Variants in TUBGCP4 observed in about 807,000 individuals in gnomAD.
The protein encoded by TUBGCP4 is gamma-tubulin complex component 4.
TUBGCP4 carries 54 observed loss-of-function variants against 91.6 expected under a neutral mutation model. The ratio of observed to expected loss-of-function variants is 0.59; its 90% confidence interval spans 0.47 to 0.74. The LOEUF (loss-of-function observed/expected upper bound fraction) is 0.74. Ranked by LOEUF, TUBGCP4 falls within the 30% of genes least tolerant of loss-of-function variation. TUBGCP4 has a pLI of 0.00. For synonymous variants in TUBGCP4, 297 were observed against 302.8 expected, an observed-to-expected ratio of 0.98 and a Z score of 0.20; for missense variants, 593 against 800.9, an observed-to-expected ratio of 0.74 and a Z score of 3.13.
chr15:43,390,928 A>G lies in TUBGCP4; in HGVS notation c.1015-4179A>G, dbSNP rs1396050431. 2.0e-5 allele frequency among the ~76,000 whole-genome samples: 3 copies of G among 151,154 alleles called. No individual in the cohort carries two copies. The East Asian group carries it at 5.8e-4, about 29-fold the overall frequency. The stretch of plus-strand genomic sequence containing the variant: ...ATCTCCAGGCTCAATCAATTTTCCC[A>G]TCTCAGCCTCCCAAGTAGCTGGGAC... On this transcript the variant is annotated intron_variant, in intron 9 of 17. Coordinates refer to ENST00000564079, the MANE Select transcript of TUBGCP4 (RefSeq NM_014444.5).
intron 11 of TUBGCP4, among the ~76,000 whole-genome samples, chr15:43,396,613 A>T (rs1031496786): frequency 6.6e-6 from 1 of 152,214 alleles, no homozygotes; most frequent in Non-Finnish European, 1.5e-5. Context: ...AAAGGAAAGA[A>T]ATAATGTATT....
chr15:43,401,041 C>T (rs2044668261), intron 14 of TUBGCP4, among the ~76,000 whole-genome samples: 1 of 152,076 alleles, frequency 6.6e-6, no homozygotes. Flanking sequence ...TCCTCATCAA[C>T]AATCTATTAT....
chr15:43,391,799 C>T (rs2044472155), intron 9 of TUBGCP4: 1 of 152,078 alleles, frequency 6.6e-6, no homozygotes, highest in African/African-American at 2.4e-5. Context: ...GCCTGTAATT[C>T]CAGCACTTTG....
chr15:43,380,924 A>G (rs1595480918), intron 6 of TUBGCP4, among the ~76,000 whole-genome samples: 1 of 152,150 alleles, frequency 6.6e-6, no homozygotes, highest in Non-Finnish European at 1.5e-5. Context: ...ATTATAATAG[A>G]TGATCCCTGA....
At position 43,400,128 on chromosome 15, in the gene TUBGCP4, C is replaced by T; in HGVS notation, c.1503C>T (p.Arg501=). 1 of 1,614,210 alleles carries T rather than the reference C, an allele frequency of 6.2e-7. No homozygotes were observed. The highest frequency in any genetic ancestry group is 1.6e-4 in the Middle Eastern group (1 of 6,062). The change falls in exon 14 of 18, where the codon CGC becomes CGT. Residue 501 remains arginine, a synonymous_variant. Transcript: ENST00000564079. Reference sequence around the variant, plus strand: ...ACTGCTGGGCCCTACAAATGCAGCGCAAGCACCTCAAGTCGAACCAGACTG... The same window carrying T: ...ACTGCTGGGCCCTACAAATGCAGCGTAAGCACCTCAAGTCGAACCAGACTG... ...LQHCWALQMQ[R]KHLKSNQTDA...
intron 9 of TUBGCP4, 160 bp from the exon 10 acceptor site, chr15:43,394,947 G>A (rs1407628836): frequency 1.4e-6 from 1 of 733,060 alleles, no homozygotes; most frequent in Non-Finnish European, 2.4e-6. Context: ...TTACAGCAGT[G>A]TGAGAATGGA....
At position 43,407,381 on chromosome 15, in the gene TUBGCP4, CTT is replaced by C; in HGVS notation, c.*2169_*2170del. ...GAATAAAACCAGTAAGACCAAGTAT[CTT>C]TAGTGAGAAACATAATCGTGTTTAT... On this transcript the variant is annotated 3_prime_UTR_variant, in exon 18 of 18. Coordinates refer to ENST00000564079, the MANE Select transcript of TUBGCP4 (RefSeq NM_014444.5). 6.2e-7 allele frequency: 1 copy of C among 1,613,906 alleles called. No homozygotes were observed. Among genetic ancestry groups the C allele is most frequent in the Non-Finnish European group, 8.5e-7 (1 of 1,179,804 alleles).
At position 43,393,614 on chromosome 15, in the gene TUBGCP4, A is replaced by G. The variant is rs758737452; in HGVS notation, c.1015-1493A>G. Reference sequence around the variant, plus strand: ...CTCCCCGGTCCCCCCACCCTACAACAGTCCCCGGTGTGTGATGTTCCCCTT... The same window carrying G: ...CTCCCCGGTCCCCCCACCCTACAACGGTCCCCGGTGTGTGATGTTCCCCTT... On this transcript the variant is annotated intron_variant, in intron 9 of 17. Coordinates refer to ENST00000564079, the MANE Select transcript of TUBGCP4 (RefSeq NM_014444.5). 5.9e-5 allele frequency among the ~76,000 whole-genome samples: 9 copies of G among 151,904 alleles called. No homozygotes were observed. In the South Asian group the frequency reaches 1.7e-3, roughly 28 times the overall value.
In TUBGCP4 at chr15:43,401,762, A is replaced by C; in HGVS notation, c.1643A>C (p.Asn548Thr). 1 of 1,614,166 alleles carries C rather than the reference A, an allele frequency of 6.2e-7. No individual in the cohort carries two copies. Among genetic ancestry groups the C allele is most frequent in the Non-Finnish European group, 8.5e-7 (1 of 1,180,010 alleles). ...TTCTCCCAGCTGCTTCATCAGATCA[A>C]TTCTACCCGAGACTTTGAAAGCATC... ...SQFSQLLHQI[N>T]STRDFESIRL... Residue 548 changes from asparagine (N) to threonine (T), a missense_variant, in exon 15 of 18, where the codon AAT (asparagine) becomes ACT (threonine). Transcript: ENST00000564079.
Position 43,397,290 on chromosome 15 carries a change from G to A in TUBGCP4, c.1248G>A (p.Leu416=). The A allele has an allele frequency of 6.2e-7, 1 of 1,614,096 alleles. No homozygotes were observed. Among genetic ancestry groups the A allele is most frequent in the Non-Finnish European group, 8.5e-7 (1 of 1,179,976 alleles). The part of the protein sequence containing the change: ...DDDNLLPLLH[L]TIEYHGKEHK... Reference sequence around the variant, plus strand: ...ACAACCTTCTCCCTCTGTTGCACTTGACAATCGAGTATCACGGAAAGGAGC... The same window carrying A: ...ACAACCTTCTCCCTCTGTTGCACTTAACAATCGAGTATCACGGAAAGGAGC... The change falls in exon 12 of 18, where the codon TTG becomes TTA. Residue 416 remains leucine, a synonymous_variant. Coordinates refer to ENST00000564079, the MANE Select transcript of TUBGCP4 (RefSeq NM_014444.5).
At chr15:43,385,161 G>C (rs1247037170) in intron 7 of TUBGCP4, among the ~76,000 whole-genome samples, 1 of 152,164 alleles carries the variant, frequency 6.6e-6, no homozygotes, top group Non-Finnish European at 1.5e-5. Context: ...TGAGCCTGGG[G>C]CTCATGAGAG....
intron 6 of TUBGCP4, among the ~76,000 whole-genome samples, chr15:43,383,075 T>C (rs1253880881): frequency 1.3e-5 from 2 of 152,234 alleles, no homozygotes; most frequent in East Asian, 3.8e-4. Context: ...GAAAATGTCT[T>C]CCCTAAAATA....
intron 5 of TUBGCP4, among the ~76,000 whole-genome samples, chr15:43,379,417 G>C (rs995105335): frequency 1.3e-5 from 2 of 152,138 alleles, no homozygotes; most frequent in African/African-American, 4.8e-5. Context: ...CGAGGCGGGC[G>C]GACCACGAGG....
At chr15:43,392,867 A>T (rs373074833) in intron 9 of TUBGCP4, among the ~76,000 whole-genome samples, 10 of 152,158 alleles carry the variant, frequency 6.6e-5, no homozygotes, top group East Asian at 5.8e-4. Flanking sequence ...CTTTCAAATC[A>T]TATTTACCTG....
intron 4 of TUBGCP4, 194 bp from the exon 5 acceptor site, chr15:43,377,653 C>G (rs918609219): frequency 3.9e-6 from 2 of 515,174 alleles, no homozygotes; most frequent in South Asian, 6.3e-5. Flanking sequence ...AAGAAACTGC[C>G]TCTCTCTGCC....
intron 16 of TUBGCP4, 30 bp downstream of exon 16, chr15:43,403,829 C>T: frequency 6.5e-7 from 1 of 1,544,440 alleles, no homozygotes; most frequent in South Asian, 1.1e-5. Flanking sequence ...TGCAGCCTTG[C>T]CGAAAGGACA....
intron 11 of TUBGCP4, 55 bp downstream of exon 11, chr15:43,395,743 T>C (rs2044570350): frequency 4.2e-5 from 62 of 1,473,238 alleles, no homozygotes; most frequent in Non-Finnish European, 5.9e-5. Context: ...AGGGTATTTC[T>C]TGGCTGCTGC....
Position 43,386,242 on chromosome 15 carries a change from C to T in TUBGCP4, c.926C>T (p.Ala309Val). The T allele has an allele frequency of 6.2e-7, 1 of 1,606,756 alleles. No individual in the cohort carries two copies. The highest frequency in any genetic ancestry group is 8.5e-7 in the Non-Finnish European group (1 of 1,177,662). The change falls in exon 9 of 18, where the codon GCA becomes GTA. Residue 309 changes from alanine (A) to valine (V), a missense_variant. Ala to Val is a moderately conservative substitution (Grantham distance 64, BLOSUM62 0). Transcript: ENST00000564079. ...ILKNQEDTFAAELHRLKQQPL... is the reference protein window; with the variant it reads ...ILKNQEDTFAVELHRLKQQPL... Reference sequence around the variant, plus strand: ...AAAAACCAGGAAGACACTTTTGCTGCAGAGCTGCACCGTCTCAAGCAGCAG... The same window carrying T: ...AAAAACCAGGAAGACACTTTTGCTGTAGAGCTGCACCGTCTCAAGCAGCAG...
chr15:43,397,121 T>C (rs2044594506), intron 11 of TUBGCP4, 93 bp from the exon 12 acceptor site: 5 of 842,286 alleles, frequency 5.9e-6, no homozygotes, highest in South Asian at 1.3e-5. Context: ...GCTGTTAGCA[T>C]TGAGCATGTT....
Sources: allele counts gnomAD v4.1 joint callset (sites outside exome capture counted in the v4.1 genomes callset), GRCh38; gene constraint gnomAD v4.1.1; transcripts MANE v1.5; gene names NCBI Gene and HGNC (gene_info 2026-07-23, HGNC 2026-07-21).